The following MSH3 variants were observed in gnomAD, a reference collection of about 807,000 sequenced individuals.
MSH3 encodes the protein DNA mismatch repair protein Msh3.
A neutral mutation model predicts 123.3 loss-of-function variants in MSH3; 106 were observed. The ratio of observed to expected loss-of-function variants is 0.86; its 90% CI spans 0.73 to 1.01. The LOEUF is 1.01. Among genes scored for constraint, MSH3 ranks in the 50% least tolerant of loss-of-function variants. The probability of loss-of-function intolerance (pLI) is 0.00; values close to 1 mark genes in which losing one functional copy is unlikely to be tolerated. For missense variants in MSH3, 1,459 were observed against 1,347.6 expected (o/e 1.08, Z -1.29); for synonymous variants, 515 against 481.4 (o/e 1.07, Z -0.91).
chr5:80,872,433 C>T (rs1022066738), intron 22 of MSH3, among the ~76,000 whole-genome samples: 1 of 152,148 alleles, frequency 6.6e-6, no homozygotes, highest in Non-Finnish European at 1.5e-5. Flanking sequence ...TGCGCCACTG[C>T]ACTCCAGCAT....
chr5:80,772,131 A>G (rs904760841), intron 15 of MSH3, among the ~76,000 whole-genome samples: 1 of 152,286 alleles, frequency 6.6e-6, no homozygotes, highest in Non-Finnish European at 1.5e-5. Context: ...AAATGGGGCA[A>G]TGTTTACATT....
At chr5:80,869,617 C>T (rs1746168533) in intron 22 of MSH3, among the ~76,000 whole-genome samples, 1 of 151,592 alleles carries the variant, frequency 6.6e-6, no homozygotes, top group African/African-American at 2.4e-5. Flanking sequence ...AAAGTGGAGA[C>T]CAGCATATAA....
chr5:80,778,480 A>G (rs1307128589), intron 16 of MSH3, among the ~76,000 whole-genome samples: 1 of 152,176 alleles, frequency 6.6e-6, no homozygotes, highest in African/African-American at 2.4e-5. Context: ...TAAAAGTTCT[A>G]AACTCTGACT....
rs549049774 is a variant in MSH3 at position 80,869,380 on chromosome 5, G to T, written c.3131-3736G>T. On this transcript the variant is annotated intron_variant, in intron 22 of 23. Coordinates refer to ENST00000265081, the MANE Select transcript of MSH3 (RefSeq NM_002439.5). ...TTGTAAGTAGTTACATCCTCATCAA[G>T]AACTTTTGCTGTGAGCCTGTAAAGA... 1.2e-4 allele frequency among the ~76,000 whole-genome samples: 19 copies of T among 152,172 alleles called. No individual in the cohort carries two copies. The South Asian group carries it at 3.5e-3, about 28-fold the overall frequency.
rs376147429 is a variant in MSH3 at position 80,869,841 on chromosome 5, T to TATAC, written c.3131-3274_3131-3273insTACA. 7.7e-3 allele frequency among the ~76,000 whole-genome samples: 1,023 copies of TATAC among 132,534 alleles called. 13 individuals are homozygous for TATAC. Among genetic ancestry groups the TATAC allele is most frequent in the South Asian group, 0.048 (197 of 4,078 alleles). 86.9% of individuals were successfully genotyped at this position (132,534 alleles called of 152,430 possible). A position where few individuals can be genotyped will look rare whatever the true frequency, so the allele number is the denominator to read the frequency against. On this transcript the variant is annotated intron_variant, in intron 22 of 23. Coordinates refer to ENST00000265081, the MANE Select transcript of MSH3 (RefSeq NM_002439.5). ...ATATATATACATATATACATATATA[T>TATAC]ACACACACACACACACACACACTAT... is the stretch of plus-strand genomic sequence containing the variant.
At chr5:80,771,511 A>G (rs771510983) in intron 15 of MSH3, among the ~76,000 whole-genome samples, 14 of 151,908 alleles carry the variant, frequency 9.2e-5, no homozygotes, top group Non-Finnish European at 1.9e-4. Context: ...GCTATTCTCA[A>G]ATTATTTAGA....
chr5:80,868,149 G>T (rs1746137193), intron 22 of MSH3, among the ~76,000 whole-genome samples: 1 of 152,154 alleles, frequency 6.6e-6, no homozygotes, highest in South Asian at 2.1e-4. Flanking sequence ...TGGAGAAAAA[G>T]GAATGCTTAT....
At chr5:80,715,157 C>T (rs1381282238) in intron 8 of MSH3, 2 of 152,170 alleles carry the variant, frequency 1.3e-5, no homozygotes, top group Non-Finnish European at 2.9e-5. Context: ...AATAATGCCG[C>T]CCACAGCAAG....
chr5:80,738,627 C>T lies in MSH3; in HGVS notation c.1569-2837C>T, dbSNP rs541465831. On this transcript the variant is annotated intron_variant, in intron 10 of 23. Coordinates refer to ENST00000265081, the MANE Select transcript of MSH3 (RefSeq NM_002439.5). ...GGACAGCCCACAAACTGCCATACCA[C>T]CGTGAAAAATTATGTCTTACACATC... Among the ~76,000 whole-genome samples, 3 of 152,178 alleles carry T rather than the reference C, an allele frequency of 2.0e-5. No individual in the cohort carries two copies. The South Asian group carries it at 6.2e-4, about 32-fold the overall frequency.
intron 17 of MSH3, among the ~76,000 whole-genome samples, chr5:80,783,185 C>T (rs1744439670): frequency 6.6e-6 from 1 of 152,208 alleles, no homozygotes; most frequent in East Asian, 1.9e-4. Context: ...ACCAAAGTGT[C>T]TTCATCTGCT....
chr5:80,694,504 T>G (rs184330867), intron 8 of MSH3, among the ~76,000 whole-genome samples: 1 of 152,298 alleles, frequency 6.6e-6, no homozygotes, highest in East Asian at 1.9e-4. Context: ...CGTTATAATT[T>G]TTCCTTGAAC....
intron 8 of MSH3, among the ~76,000 whole-genome samples, chr5:80,707,658 C>T (rs1009483000): frequency 7.2e-5 from 11 of 152,226 alleles, no homozygotes; most frequent in East Asian, 1.9e-4. Context: ...CTTGAGCCCC[C>T]GAGGTTGAGG....
chr5:80,694,001 T>G (rs1445670384), intron 8 of MSH3, among the ~76,000 whole-genome samples: 5 of 152,124 alleles, frequency 3.3e-5, no homozygotes, highest in Non-Finnish European at 7.3e-5. Flanking sequence ...TAGTATGGAA[T>G]TGGCATATGG....
At position 80,769,003 on chromosome 5, in the gene MSH3, GGTAAT is replaced by G. The variant is rs1488467945; in HGVS notation, c.2253+3_2253+7del. 7 of 1,611,544 alleles carry G rather than the reference GGTAAT, an allele frequency of 4.3e-6. No homozygotes were observed. The highest frequency in any genetic ancestry group is 1.7e-5 in the Admixed American group (1 of 59,886). ...AATATGTGACAGTATCAGGACAGGA[GGTAAT>G]GTCAAGCTTACTTTTATTTTCTATT... On this transcript the variant is annotated splice_donor_variant and splice_donor_5th_base_variant and intron_variant, in intron 15 of 23. Transcript: ENST00000265081. LOFTEE classifies it high-confidence loss of function.
intron 4 of MSH3, among the ~76,000 whole-genome samples, chr5:80,671,678 G>C (rs1375772042): frequency 6.6e-6 from 1 of 152,168 alleles, no homozygotes; most frequent in Admixed American, 6.5e-5. Context: ...AGAGTTCCAT[G>C]GCTTCAGTGG....
intron 3 of MSH3, among the ~76,000 whole-genome samples, chr5:80,666,164 A>G (rs754725404): frequency 1.2e-4 from 18 of 152,226 alleles, no homozygotes; most frequent in East Asian, 3.8e-4. Context: ...GTCTCAAGCA[A>G]TCCTCCCACC....
chr5:80,767,662 T>G lies in MSH3; in HGVS notation c.1897-271T>G. 1.3e-5 allele frequency among the ~76,000 whole-genome samples: 2 copies of G among 152,154 alleles called. 1 individual carries two copies. The highest frequency in any genetic ancestry group is 3.8e-4 in the East Asian group (2 of 5,198). ...TTTTTTAACTTGTTTAACCTATTTT[T>G]GCTATATGGTTTATGTTATTTTAAA... On this transcript the variant is annotated intron_variant, in intron 13 of 23. Coordinates refer to ENST00000265081, the MANE Select transcript of MSH3 (RefSeq NM_002439.5).
chr5:80,693,661 A>G (rs777672983), intron 8 of MSH3, among the ~76,000 whole-genome samples: 38 of 151,334 alleles, frequency 2.5e-4, no homozygotes, highest in Non-Finnish European at 4.4e-4. Context: ...ACACATATAT[A>G]TATATGTTTT....
chr5:80,674,633 G>A (rs1469823864), intron 6 of MSH3, among the ~76,000 whole-genome samples: 2 of 152,196 alleles, frequency 1.3e-5, no homozygotes, highest in Admixed American at 1.3e-4. Context: ...GATAAGGCAT[G>A]CAACTATGAT....
Sources: allele counts gnomAD v4.1 joint callset (sites outside exome capture counted in the v4.1 genomes callset), GRCh38; gene constraint gnomAD v4.1.1; transcripts MANE v1.5; gene names NCBI Gene and HGNC (gene_info 2026-07-23, HGNC 2026-07-21).